Variants in DLG2 observed in about 807,000 individuals in gnomAD.
The protein encoded by DLG2 is discs large MAGUK scaffold protein 2, also known as disks large homolog 2.
DLG2 carries 45 observed loss-of-function variants against 132.5 expected under a neutral mutation model. The ratio of observed to expected loss-of-function variants is 0.34; its 90% CI spans 0.27 to 0.44. The LOEUF (loss-of-function observed/expected upper bound fraction) is 0.44. Among genes scored for constraint, DLG2 ranks in the 20% least tolerant of loss-of-function variants. The pLI is 1.00. For missense variants in DLG2, 1,045 were observed against 1,196.9 expected (o/e 0.87, Z 1.87); for synonymous variants, 424 against 419.6 (o/e 1.01, Z -0.13).
chr11:84,306,957 G>T lies in DLG2; in HGVS notation c.520-55666C>A, dbSNP rs576002752. On this transcript the variant is annotated intron_variant, in intron 7 of 27. Coordinates refer to ENST00000376104, the MANE Select transcript of DLG2 (RefSeq NM_001142699.3). ...GAAATTTCTCAAAGAACTTAAAAAA[G>T]AACTACCATTCAACCCAACAAACCC... 1.1e-4 allele frequency among the ~76,000 whole-genome samples: 16 copies of T among 152,218 alleles called. No homozygotes were observed. In the South Asian group the frequency reaches 2.3e-3, roughly 22 times the overall value.
chr11:84,739,696 A>G (rs1051444307), intron 6 of DLG2, among the ~76,000 whole-genome samples: 6 of 152,174 alleles, frequency 3.9e-5, no homozygotes, highest in African/African-American at 1.4e-4. Context: ...GTTGATTAGA[A>G]TTTCCATTTT....
intron 4 of DLG2, among the ~76,000 whole-genome samples, chr11:85,160,270 C>A (rs2077925145): frequency 6.6e-6 from 1 of 152,174 alleles, no homozygotes; most frequent in South Asian, 2.1e-4. Flanking sequence ...CAGGTCCAGG[C>A]TGCTGTACAA....
chr11:84,179,857 G>A (rs946703148), intron 8 of DLG2, among the ~76,000 whole-genome samples: 6 of 152,110 alleles, frequency 3.9e-5, no homozygotes, highest in Non-Finnish European at 8.8e-5. Flanking sequence ...AAGCACTGGT[G>A]AAATTTAGAA....
In DLG2 at chr11:83,526,395, ATC is replaced by A. The variant is rs1592504842; in HGVS notation, c.2193+6311_2193+6312del. On this transcript the variant is annotated intron_variant, in intron 21 of 27. Transcript: ENST00000376104. ...TTTCCTTCCCACAGCTGCCAGACTG[ATC>A]TCTCAGAAACCCACTTCTGAACATT... is the stretch of plus-strand genomic sequence containing the variant. Among the ~76,000 whole-genome samples, 3 of 152,248 alleles carry A rather than the reference ATC, an allele frequency of 2.0e-5. No individual in the cohort carries two copies. In the East Asian group the frequency reaches 5.8e-4, roughly 29 times the overall value.
At chr11:83,981,532 C>T (rs894174729) in intron 11 of DLG2, among the ~76,000 whole-genome samples, 3 of 152,104 alleles carry the variant, frequency 2.0e-5, no homozygotes, top group African/African-American at 4.8e-5. Flanking sequence ...ACCTCTGCCT[C>T]CCGGCTTCAA....
intron 4 of DLG2, among the ~76,000 whole-genome samples, chr11:85,188,101 C>A (rs2080257391): frequency 6.6e-6 from 1 of 151,954 alleles, no homozygotes; most frequent in African/African-American, 2.4e-5. Context: ...GAATAGAGGA[C>A]CTAAAGAGAG....
intron 6 of DLG2, among the ~76,000 whole-genome samples, chr11:84,539,731 A>G (rs951429310): frequency 1.3e-5 from 2 of 152,186 alleles, no homozygotes; most frequent in African/African-American, 2.4e-5. Flanking sequence ...GGAACCAAAG[A>G]GGAGCCCACA....
chr11:85,401,535 G>C lies in DLG2; in HGVS notation c.41-116170C>G, dbSNP rs532350165. On this transcript the variant is annotated intron_variant, in intron 3 of 27. Transcript: ENST00000376104. Reference sequence around the variant, plus strand: ...AATAAAGGGTATTCAATTAGGAAAAGAGGAAGTCAAATTGTCTCTGTTTGC... The same window carrying C: ...AATAAAGGGTATTCAATTAGGAAAACAGGAAGTCAAATTGTCTCTGTTTGC... 3.9e-3 allele frequency among the ~76,000 whole-genome samples: 588 copies of C among 152,274 alleles called. 4 individuals are homozygous for C. The highest frequency in any genetic ancestry group is 6.2e-3 in the Non-Finnish European group (419 of 68,030).
intron 15 of DLG2, among the ~76,000 whole-genome samples, chr11:83,883,516 G>C (rs949390098): frequency 5.3e-5 from 8 of 152,178 alleles, no homozygotes; most frequent in African/African-American, 1.9e-4. Context: ...GAGACTCTGA[G>C]AGTACACTTC....
At chr11:84,141,541 A>G (rs1437926399) in intron 9 of DLG2, among the ~76,000 whole-genome samples, 2 of 152,118 alleles carry the variant, frequency 1.3e-5, no homozygotes, top group African/African-American at 4.8e-5. Context: ...TCTAGTGATA[A>G]AATGCCAAAT....
At chr11:83,735,392 A>C (rs1157060468) in intron 18 of DLG2, among the ~76,000 whole-genome samples, 1 of 152,218 alleles carries the variant, frequency 6.6e-6, no homozygotes, top group Non-Finnish European at 1.5e-5. Context: ...GAATCCTCCC[A>C]GTTTGGGGGC....
intron 25 of DLG2, among the ~76,000 whole-genome samples, chr11:83,467,123 A>G (rs1370982820): frequency 6.6e-6 from 1 of 152,190 alleles, no homozygotes; most frequent in East Asian, 1.9e-4. Context: ...ATGTTATGTG[A>G]CTGAGTCTGT....
intron 11 of DLG2, among the ~76,000 whole-genome samples, chr11:83,996,544 T>C (rs1190564728): frequency 1.3e-5 from 2 of 152,194 alleles, no homozygotes; most frequent in Non-Finnish European, 2.9e-5. Context: ...CTATTTACAA[T>C]AGCTAAGATT....
At chr11:84,795,373 C>T (rs542686213) in intron 6 of DLG2, among the ~76,000 whole-genome samples, 10 of 152,168 alleles carry the variant, frequency 6.6e-5, no homozygotes, top group Admixed American at 2.0e-4. Context: ...GGTCCAATCT[C>T]TGCTGAAAGC....
chr11:85,041,061 G>A (rs958945800), intron 6 of DLG2, among the ~76,000 whole-genome samples: 1 of 151,712 alleles, frequency 6.6e-6, no homozygotes, highest in African/African-American at 2.4e-5. Context: ...GGGAACAGGG[G>A]TCCAATTATG....
intron 18 of DLG2, among the ~76,000 whole-genome samples, chr11:83,780,524 T>G (rs1381629345): frequency 6.6e-6 from 1 of 152,212 alleles, no homozygotes; most frequent in Non-Finnish European, 1.5e-5. Context: ...CTTAATGACT[T>G]TCCCTTGGTT....
chr11:84,107,843 G>A (rs572996562), intron 9 of DLG2, among the ~76,000 whole-genome samples: 1 of 152,170 alleles, frequency 6.6e-6, no homozygotes. Context: ...GAAAACTTAA[G>A]TAAAGCTGTA....
intron 5 of DLG2, among the ~76,000 whole-genome samples, chr11:85,146,227 CCTCT>C (rs35640163): frequency 0.17 from 21,402 of 129,044 alleles, 1,881 homozygotes; most frequent in East Asian, 0.31. Flanking sequence ...TCTGTTTCTC[CCTCT>C]CTCTCTCTCT....
At chr11:85,626,439 T>C (rs1262392315) in intron 2 of DLG2, 148 bp downstream of exon 2, 2 of 152,222 alleles carry the variant, frequency 1.3e-5, no homozygotes, top group African/African-American at 4.8e-5. Flanking sequence ...TTTACTTTAG[T>C]AAAATAATAT....
Sources: gnomAD v4.1 joint callset for allele counts (sites outside exome capture counted in the v4.1 genomes callset) on GRCh38, gnomAD v4.1.1 for gene constraint, MANE v1.5 for transcripts, NCBI Gene and HGNC (gene_info 2026-07-23, HGNC 2026-07-21) for gene names.